GABRG3: variants seen among roughly 807,000 people sequenced by gnomAD.
The protein encoded by GABRG3 is gamma-aminobutyric acid type A receptor subunit gamma3.
GABRG3 carries 25 observed loss-of-function variants against 48.8 expected under a neutral mutation model. The ratio of observed to expected loss-of-function variants is 0.51; its 90% CI spans 0.37 to 0.72. GABRG3 has a LOEUF of 0.72. Among genes scored for constraint, GABRG3 ranks in the 30% least tolerant of loss-of-function variants. The pLI, the probability that GABRG3 is intolerant of heterozygous loss-of-function variation, is 0.00. For missense variants in GABRG3, 394 were observed against 577.9 expected (o/e 0.68, Z 3.26); for synonymous variants, 227 against 217.6 (o/e 1.04, Z -0.38).
rs140672 is a variant in GABRG3 at position 27,327,045 on chromosome 15, G to A, written c.491+16G>A. The stretch of plus-strand genomic sequence containing the variant: ...ACACTTTGAGGTAAGATGCTGCATC[G>A]ATCTTTGATTACTCCTGGTTTAAAA... On this transcript the variant is annotated intron_variant, in intron 4 of 9. Transcript: ENST00000615808. 59,295 of 1,594,932 alleles carry A rather than the reference G, an allele frequency of 0.037. 4,558 individuals are homozygous for A. Among genetic ancestry groups the A allele is most frequent in the African/African-American group, 0.3 (22,599 of 74,582 alleles).
At chr15:27,530,925 A>G in intron 9 of GABRG3, 1 of 339,200 alleles carries the variant, frequency 2.9e-6, no homozygotes, top group South Asian at 2.2e-5. Context: ...TTTCAACCGG[A>G]GGTTGTCAAA....
rs532533752 is a variant in GABRG3 at position 27,437,035 on chromosome 15, G to A, written c.575-43615G>A. Among the ~76,000 whole-genome samples, 31 of 150,184 alleles carry A rather than the reference G, an allele frequency of 2.1e-4. 1 individual carries two copies. The highest frequency in any genetic ancestry group is 1.7e-3 in the South Asian group (8 of 4,698). On this transcript the variant is annotated intron_variant, in intron 5 of 9. Coordinates refer to ENST00000615808, the MANE Select transcript of GABRG3 (RefSeq NM_033223.5). The stretch of plus-strand genomic sequence containing the variant: ...AGAGAGAGAGAGAGAGAGAGAGAGC[G>A]CCCACATTCTCATGAGGACATCAGC...
intron 6 of GABRG3, among the ~76,000 whole-genome samples, chr15:27,497,987 C>T (rs745709233): frequency 3.9e-5 from 6 of 152,168 alleles, no homozygotes; most frequent in Non-Finnish European, 7.4e-5. Context: ...CTGTTTGTCT[C>T]ATTCTGTTGT....
intron 3 of GABRG3, chr15:27,027,175 G>T (rs1174882882): frequency 5.3e-6 from 1 of 188,430 alleles, no homozygotes; most frequent in African/African-American, 2.3e-5. Flanking sequence ...TCAAATATGT[G>T]CTTTCCCCGA....
intron 3 of GABRG3, among the ~76,000 whole-genome samples, chr15:27,235,370 A>T (rs1889927019): frequency 6.6e-6 from 1 of 152,178 alleles, no homozygotes; most frequent in African/African-American, 2.4e-5. Flanking sequence ...AGGCTTTCTT[A>T]GATGGTCAGG....
At chr15:27,462,889 A>G (rs558476414) in intron 5 of GABRG3, among the ~76,000 whole-genome samples, 14 of 152,318 alleles carry the variant, frequency 9.2e-5, no homozygotes, top group African/African-American at 3.4e-4. Context: ...TCAGTGACCT[A>G]TTTCAATAAA....
chr15:27,041,104 A>G (rs925454671), intron 3 of GABRG3, among the ~76,000 whole-genome samples: 4 of 152,242 alleles, frequency 2.6e-5, no homozygotes, highest in African/African-American at 9.6e-5. Flanking sequence ...AGACAAATTT[A>G]GATGGTATAT....
intron 3 of GABRG3, among the ~76,000 whole-genome samples, chr15:27,284,060 T>G (rs1891527321): frequency 6.6e-6 from 1 of 152,016 alleles, no homozygotes; most frequent in South Asian, 2.1e-4. Context: ...GGAGGCAGAG[T>G]ACAGGCTCTG....
chr15:27,414,839 C>T (rs1187838685), intron 5 of GABRG3, among the ~76,000 whole-genome samples: 1 of 152,204 alleles, frequency 6.6e-6, no homozygotes, highest in Non-Finnish European at 1.5e-5. Flanking sequence ...TGACCCTGCC[C>T]TCCTAGCTCT....
chr15:27,507,133 ATCTT>A (rs1427660210), intron 6 of GABRG3, among the ~76,000 whole-genome samples: 1 of 152,194 alleles, frequency 6.6e-6, no homozygotes, highest in Non-Finnish European at 1.5e-5. Context: ...ACTTCTAGTT[ATCTT>A]TCTGTTACTT....
chr15:27,403,197 A>G (rs999652931), intron 5 of GABRG3, among the ~76,000 whole-genome samples: 61 of 151,012 alleles, frequency 4.0e-4, no homozygotes, highest in African/African-American at 1.4e-3. Context: ...AAGATTGGCC[A>G]GAATAAAATG....
At chr15:27,176,060 A>C (rs1307640405) in intron 3 of GABRG3, among the ~76,000 whole-genome samples, 3 of 151,896 alleles carry the variant, frequency 2.0e-5, no homozygotes, top group Non-Finnish European at 2.9e-5. Flanking sequence ...AAAAGAAAAC[A>C]AGCCAAAAAT....
chr15:27,014,645 T>C (rs1895745716), intron 2 of GABRG3, among the ~76,000 whole-genome samples: 1 of 152,182 alleles, frequency 6.6e-6, no homozygotes, highest in South Asian at 2.1e-4. Flanking sequence ...GTACTTTGAG[T>C]GATTTAAATC....
At chr15:27,246,956 T>C (rs1890289237) in intron 3 of GABRG3, among the ~76,000 whole-genome samples, 1 of 152,222 alleles carries the variant, frequency 6.6e-6, no homozygotes. Context: ...TGTACACATG[T>C]ACATACTCCT....
intron 3 of GABRG3, among the ~76,000 whole-genome samples, chr15:27,111,879 C>T (rs1380085461): frequency 6.6e-6 from 1 of 152,140 alleles, no homozygotes; most frequent in Non-Finnish European, 1.5e-5. Flanking sequence ...TGGATTTTCA[C>T]AGTTCAGCTC....
intron 5 of GABRG3, among the ~76,000 whole-genome samples, chr15:27,442,900 C>G (rs978262754): frequency 2.0e-5 from 3 of 152,138 alleles, no homozygotes; most frequent in Non-Finnish European, 4.4e-5. Flanking sequence ...GATCAGCTGC[C>G]CAATGCCAGA....
At chr15:27,235,091 T>C (rs1889914132) in intron 3 of GABRG3, among the ~76,000 whole-genome samples, 2 of 152,180 alleles carry the variant, frequency 1.3e-5, no homozygotes, top group African/African-American at 2.4e-5. Context: ...AGGAATCTAG[T>C]TGTAACTCAA....
At chr15:27,211,946 A>G (rs1233530622) in intron 3 of GABRG3, among the ~76,000 whole-genome samples, 3 of 152,098 alleles carry the variant, frequency 2.0e-5, no homozygotes, top group African/African-American at 7.2e-5. Context: ...GTTGCAGATC[A>G]CTCGAGGGTC....
chr15:26,972,373 A>G (rs949879732), intron 1 of GABRG3, among the ~76,000 whole-genome samples: 3 of 152,180 alleles, frequency 2.0e-5, no homozygotes, highest in African/African-American at 7.2e-5. Context: ...ATACAAGGAC[A>G]GTGGGACCCA....
Sources: gnomAD v4.1 joint callset for allele counts (sites outside exome capture counted in the v4.1 genomes callset) on GRCh38, gnomAD v4.1.1 for gene constraint, MANE v1.5 for transcripts, NCBI Gene and HGNC (gene_info 2026-07-23, HGNC 2026-07-21) for gene names.